Variants in NPR1 observed in about 807,000 individuals in gnomAD.
NPR1 encodes the protein atrial natriuretic peptide receptor 1.
NPR1 carries 57 observed loss-of-function variants against 116.9 expected under a neutral mutation model. The ratio of observed to expected loss-of-function variants is 0.49; its 90% CI spans 0.39 to 0.61. The LOEUF (loss-of-function observed/expected upper bound fraction) is 0.61. Ranked by LOEUF, NPR1 falls within the 20% of genes least tolerant of loss-of-function variation. The probability of loss-of-function intolerance (pLI) is 0.00; values close to 1 mark genes in which losing one functional copy is unlikely to be tolerated. For missense variants in NPR1, 1,096 were observed against 1,409.8 expected, an observed-to-expected ratio of 0.78 and a Z score of 3.56; for synonymous variants, 555 against 601.6, an observed-to-expected ratio of 0.92 and a Z score of 1.13.
At position 153,687,666 on chromosome 1, in the gene NPR1, A is replaced by T; in HGVS notation, c.2125A>T (p.Met709Leu). ...KLWTAPELLR[M>L]ASPPVRGSQA... is the part of the protein sequence containing the mutation. ...GTGGACGGCCCCTGAGCTCCTGCGA[A>T]TGGCTTCACCCCCTGTGCGGGGCTC... Residue 709 changes from methionine to leucine, a missense_variant, in exon 14 of 22, where the codon ATG becomes TTG. Met to Leu is a conservative substitution (Grantham distance 15). Coordinates refer to ENST00000368680, the MANE Select transcript of NPR1 (RefSeq NM_000906.4). The T allele has an allele frequency of 6.3e-7, 1 of 1,598,288 alleles. No individual in the cohort carries two copies. The highest frequency in any genetic ancestry group is 8.6e-7 in the Non-Finnish European group (1 of 1,168,516).
At chr1:153,687,510 A>G in intron 13 of NPR1, 124 bp from the exon 14 acceptor site, 1 of 1,473,392 alleles carries the variant, frequency 6.8e-7, no homozygotes, top group Non-Finnish European at 9.2e-7. Flanking sequence ...AGTGGTTTCT[A>G]AGGCCTCCTC....
chr1:153,692,161 G>A (rs145305267), intron 20 of NPR1, among the ~76,000 whole-genome samples: 8 of 152,256 alleles, frequency 5.3e-5, no homozygotes, highest in East Asian at 1.9e-4. Flanking sequence ...AGCACATTCC[G>A]TTTGAATACT....
intron 6 of NPR1, 71 bp downstream of exon 6, chr1:153,683,582 G>A: frequency 6.3e-7 from 1 of 1,596,348 alleles, no homozygotes; most frequent in Non-Finnish European, 8.6e-7. Context: ...CAGTCGAGTA[G>A]GTGCTCCTGT....
At position 153,689,872 on chromosome 1, in the gene NPR1, G is replaced by A. The variant is rs142436148; in HGVS notation, c.2824G>A (p.Ala942Thr). 3.6e-5 allele frequency: 58 copies of A among 1,590,688 alleles called. 1 individual carries two copies. The African/African-American group carries it at 3.9e-4, about 11-fold the overall frequency. Residue 942 changes from alanine to threonine, a missense_variant, in exon 19 of 22, where the codon GCC becomes ACC. Physicochemically the swap from Ala to Thr is moderately conservative, Grantham distance 58. Transcript: ENST00000368680. The surrounding 1 kb of genome is among the most constrained non-coding windows in gnomAD (Gnocchi z 5.1). ...GLPVRNGRLH[A>T]CEVARMALAL... ...CCCTGTGCGGAACGGGCGGCTACAC[G>A]CCTGCGAGGTAGCCCGCATGGCCCT... is the stretch of plus-strand genomic sequence containing the variant.
chr1:153,687,488 A>C, intron 13 of NPR1, 132 bp downstream of exon 13: 1 of 1,480,126 alleles, frequency 6.8e-7, no homozygotes, highest in Non-Finnish European at 9.1e-7. Flanking sequence ...TGAAAAAGGG[A>C]AGGCCAGACG....
rs1670015781 is a variant in NPR1 at position 153,689,086 on chromosome 1, C to A, written c.2551C>A (p.Gln851Lys). ...GCGCAAGGCTGAGGCCCTGCTCTACCAGATCCTGCCTCAGTGAGTGCCTGA... is the reference window on the plus strand; with the variant it reads ...GCGCAAGGCTGAGGCCCTGCTCTACAAGATCCTGCCTCAGTGAGTGCCTGA... ...EKRKAEALLY[Q>K]ILPHSVAEQL... The change falls in exon 16 of 22, where the codon CAG (glutamine) becomes AAG (lysine). Residue 851 changes from glutamine (Q) to lysine (K), a missense_variant. Transcript: ENST00000368680. This position sits in a 1 kb window ranked among gnomAD's most constrained non-coding sequence, Gnocchi z 5.1. The A allele has an allele frequency of 4.3e-6, 7 of 1,614,200 alleles. No individual in the cohort carries two copies. Among genetic ancestry groups the A allele is most frequent in the Non-Finnish European group, 5.1e-6 (6 of 1,180,030 alleles).
chr1:153,688,842 G>A (rs1284338720), intron 15 of NPR1, 111 bp from the exon 16 acceptor site: 46 of 1,332,350 alleles, frequency 3.5e-5, no homozygotes, highest in Admixed American at 5.6e-5. Flanking sequence ...AACCCTGAGC[G>A]TCTCTAGAGA....
At position 153,687,401 on chromosome 1, in the gene NPR1, C is replaced by T. The variant is rs772613404; in HGVS notation, c.2092+45C>T. The T allele has an allele frequency of 1.9e-6, 3 of 1,598,278 alleles. No individual in the cohort carries two copies. In the Admixed American group the frequency reaches 5.2e-5, roughly 27 times the overall value. ...CCTAACACCTGCCCCCAGCACCACC[C>T]AGTAGGGAGACTGATGCAAGGCCTC... On this transcript the variant is annotated intron_variant, in intron 13 of 21. Transcript: ENST00000368680.
chr1:153,693,335 C>T lies in NPR1; in HGVS notation c.3124-17C>T. ...GGCATGTGCCACTCCCCAGCCCATCCTCTTTTTTCCCTCCAGGGCAAAGGC... is the reference window on the plus strand; with the variant it reads ...GGCATGTGCCACTCCCCAGCCCATCTTCTTTTTTCCCTCCAGGGCAAAGGC... On this transcript the variant is annotated splice_polypyrimidine_tract_variant and intron_variant, in intron 21 of 21. Transcript: ENST00000368680. 1 of 1,612,308 alleles carries T rather than the reference C, an allele frequency of 6.2e-7. No homozygotes were observed.
chr1:153,678,845 C>A lies in NPR1; in HGVS notation c.-264C>A, dbSNP rs373925876. The A allele has an allele frequency of 6.3e-6, 3 of 473,830 alleles. No individual in the cohort carries two copies. Among genetic ancestry groups the A allele is most frequent in the Non-Finnish European group, 3.7e-6 (1 of 272,184 alleles). The allele number at this position is 473,830 out of a possible 1,614,324, so 29.4% of individuals were successfully genotyped here. On this transcript the variant is annotated 5_prime_UTR_variant, in exon 1 of 22. Coordinates refer to ENST00000368680, the MANE Select transcript of NPR1 (RefSeq NM_000906.4). This position sits in a 1 kb window ranked among gnomAD's most constrained non-coding sequence, Gnocchi z 5.8. ...ACGCACGCACACTCCCAGTTGTTCACACTCGGGTCCTCTCCAGCCCGACGT... is the reference window on the plus strand; with the variant it reads ...ACGCACGCACACTCCCAGTTGTTCAAACTCGGGTCCTCTCCAGCCCGACGT...
chr1:153,679,469 G>A lies in NPR1; in HGVS notation c.361G>A (p.Ala121Thr). 1 of 1,540,818 alleles carries A rather than the reference G, an allele frequency of 6.5e-7. No individual in the cohort carries two copies. The change falls in exon 1 of 22, where the codon GCC becomes ACC. Residue 121 changes from alanine to threonine, a missense_variant. Coordinates refer to ENST00000368680, the MANE Select transcript of NPR1 (RefSeq NM_000906.4). The surrounding 1 kb of genome is among the most constrained non-coding windows in gnomAD (Gnocchi z 4.2). ...AVFLGPGCVY[A>T]AAPVGRFTAH... is the part of the protein sequence containing the mutation. Reference sequence around the variant, plus strand: ...GTTCCTGGGCCCCGGCTGCGTGTACGCCGCCGCCCCAGTGGGGCGCTTCAC... The same window carrying A: ...GTTCCTGGGCCCCGGCTGCGTGTACACCGCCGCCCCAGTGGGGCGCTTCAC...
At position 153,690,387 on chromosome 1, in the gene NPR1, A is replaced by C; in HGVS notation, c.3031+5A>C. 6.4e-7 allele frequency: 1 copy of C among 1,550,784 alleles called. No homozygotes were observed. The highest frequency in any genetic ancestry group is 8.7e-7 in the Non-Finnish European group (1 of 1,144,632). ...GAATGGAGTCTAATGGGGAAGGTACAGTGCCCCCTCCTAGAGGGAATGGGG... is the reference window on the plus strand; with the variant it reads ...GAATGGAGTCTAATGGGGAAGGTACCGTGCCCCCTCCTAGAGGGAATGGGG... On this transcript the variant is annotated splice_donor_5th_base_variant and intron_variant, in intron 20 of 21. Transcript: ENST00000368680.
At chr1:153,686,913 GTTTTGTCCTGTTCTACCAGTT>G (rs2101735371) in intron 11 of NPR1, 82 bp from the exon 12 acceptor site, 1 of 1,360,006 alleles carries the variant, frequency 7.4e-7, no homozygotes, top group African/African-American at 1.4e-5. Flanking sequence ...TCAATCCAAA[GTTTTGTCCTGTTCTACCAGTT>G]CACATCAGTA....
At chr1:153,690,159 A>G in intron 19 of NPR1, 125 bp from the exon 20 acceptor site, 1 of 791,132 alleles carries the variant, frequency 1.3e-6, no homozygotes, top group Non-Finnish European at 2.1e-6. Context: ...ACACACACAC[A>G]CACACACAGA....
intron 3 of NPR1, 165 bp downstream of exon 3, chr1:153,681,458 C>G (rs1287163230): frequency 1.6e-6 from 1 of 640,198 alleles, no homozygotes; most frequent in African/African-American, 1.8e-5. Flanking sequence ...CAAGTTCAGC[C>G]TCTGAAACTC....
intron 20 of NPR1, among the ~76,000 whole-genome samples, chr1:153,692,160 C>T (rs1009751085): frequency 9.9e-5 from 15 of 152,078 alleles, no homozygotes; most frequent in East Asian, 1.9e-4. Flanking sequence ...TAGCACATTC[C>T]GTTTGAATAC....
Position 153,679,459 on chromosome 1 carries a change from C to T in NPR1, c.351C>T (p.Gly117=), listed in dbSNP as rs1201019193. 2 of 1,541,876 alleles carry T rather than the reference C, an allele frequency of 1.3e-6. No individual in the cohort carries two copies. The highest frequency in any genetic ancestry group is 8.7e-7 in the Non-Finnish European group (1 of 1,148,306). The stretch of plus-strand genomic sequence containing the variant: ...ACCCCGCTGTGTTCCTGGGCCCCGG[C>T]TGCGTGTACGCCGCCGCCCCAGTGG... ...EHNPAVFLGP[G]CVYAAAPVGR... The change falls in exon 1 of 22, where the codon GGC becomes GGT. Residue 117 remains glycine (G), a synonymous_variant. Transcript: ENST00000368680. This position sits in a 1 kb window ranked among gnomAD's most constrained non-coding sequence, Gnocchi z 4.2.
chr1:153,680,288 T>G, intron 1 of NPR1, among the ~76,000 whole-genome samples: 1 of 143,542 alleles, frequency 7.0e-6, no homozygotes. Context: ...GCCTCCCCCT[T>G]CCTCCTCCCG....
rs1248611897 is a variant in NPR1, at chr1:153,679,825, C to T, written c.717C>T (p.Gly239=). The change falls in exon 1 of 22, where the codon GGC becomes GGT. Residue 239 remains glycine (G), a synonymous_variant. Transcript: ENST00000368680. The surrounding 1 kb of genome is among the most constrained non-coding windows in gnomAD (Gnocchi z 4.2). The stretch of plus-strand genomic sequence containing the variant: ...TGCTGCGGACCATGCCGCGCAAAGG[C>T]CGAGGTGAGACGCTGGCACACCCCG... ...TRLLRTMPRK[G]RVIYICSSPD... The T allele has an allele frequency of 6.5e-7, 1 of 1,539,674 alleles. No individual in the cohort carries two copies. Among genetic ancestry groups the T allele is most frequent in the Admixed American group, 2.0e-5 (1 of 50,826 alleles).
Sources: allele counts gnomAD v4.1 joint callset (sites outside exome capture counted in the v4.1 genomes callset), GRCh38; gene constraint gnomAD v4.1.1; non-coding constraint Gnocchi (gnomAD v3.1); transcripts MANE v1.5; gene names NCBI Gene and HGNC (gene_info 2026-07-23, HGNC 2026-07-21).